Variants in CORO2B observed in about 807,000 individuals in gnomAD.
CORO2B encodes the protein coronin 2B.
A neutral mutation model predicts 58.8 loss-of-function variants in CORO2B; 26 were observed. That is an observed-to-expected ratio of 0.44 (90% CI 0.32 to 0.61). The LOEUF is 0.61. Ranked by LOEUF, CORO2B falls within the 20% of genes least tolerant of loss-of-function variation. The pLI is 0.04. For synonymous variants in CORO2B, 242 were observed against 253.8 expected (o/e 0.95, Z 0.44); for missense variants, 460 against 645.1 (o/e 0.71, Z 3.11).
chr15:68,697,030 C>A (rs1270339734), intron 3 of CORO2B, among the ~76,000 whole-genome samples: 7 of 152,230 alleles, frequency 4.6e-5, no homozygotes, highest in Admixed American at 4.6e-4. Context: ...TTTGGTTCTG[C>A]ACCCCATGCA....
intron 2 of CORO2B, among the ~76,000 whole-genome samples, chr15:68,650,959 G>A (rs1901622223): frequency 6.6e-6 from 1 of 152,098 alleles, no homozygotes; most frequent in South Asian, 2.1e-4. Context: ...TTGAACATCA[G>A]CCCTCCCTTA....
intron 2 of CORO2B, among the ~76,000 whole-genome samples, chr15:68,670,499 A>T (rs1282826431): frequency 6.6e-6 from 1 of 152,222 alleles, no homozygotes; most frequent in Non-Finnish European, 1.5e-5. Context: ...ATTTAGAATC[A>T]TTAGTTTCCG....
the CORO2B span, among the ~76,000 whole-genome samples, chr15:68,527,333 T>A: frequency 4.5e-3 from 682 of 152,330 alleles, 6 homozygotes; most frequent in African/African-American, 0.015. Flanking sequence ...CAGTTTTATC[T>A]TCCACCTTTA....
intron 4 of CORO2B, 141 bp from the exon 5 acceptor site, chr15:68,711,401 C>T: frequency 1.6e-6 from 1 of 638,990 alleles, no homozygotes; most frequent in Non-Finnish European, 2.7e-6. Flanking sequence ...ATATAGAACT[C>T]AATGACCCCC....
chr15:68,605,533 G>A lies in CORO2B; in HGVS notation c.15+26256G>A, dbSNP rs1045578360. On this transcript the variant is annotated intron_variant, in intron 1 of 11. Coordinates refer to ENST00000261861, the MANE Select transcript of CORO2B (RefSeq NM_006091.5). Reference sequence around the variant, plus strand: ...AAAAATTATAATACCAAAATGATATGGCAGTGTGGGAAAATATTCGTGCTA... The same window carrying A: ...AAAAATTATAATACCAAAATGATATAGCAGTGTGGGAAAATATTCGTGCTA... Among the ~76,000 whole-genome samples the A allele has an allele frequency of 2.6e-5, 4 of 152,156 alleles. No individual in the cohort carries two copies. The East Asian group carries it at 7.7e-4, about 29-fold the overall frequency.
chr15:68,638,370 T>C (rs1431805960), intron 1 of CORO2B, among the ~76,000 whole-genome samples: 6 of 152,260 alleles, frequency 3.9e-5, no homozygotes, highest in African/African-American at 1.4e-4. Flanking sequence ...AAGCAATTTG[T>C]GTTTGGTCAC....
chr15:68,664,738 G>A (rs939282299), intron 2 of CORO2B, among the ~76,000 whole-genome samples: 1 of 152,156 alleles, frequency 6.6e-6, no homozygotes, highest in Non-Finnish European at 1.5e-5. Flanking sequence ...AACTTTGTCA[G>A]AGTAGTTTCA....
chr15:68,575,737 A>G (rs937547901), upstream of CORO2B, among the ~76,000 whole-genome samples: 1 of 151,936 alleles, frequency 6.6e-6, no homozygotes, highest in Admixed American at 6.6e-5. Context: ...TCACCTTCCA[A>G]TTAAATCACC....
chr15:68,630,807 G>A (rs1258112015), intron 1 of CORO2B, among the ~76,000 whole-genome samples: 1 of 152,152 alleles, frequency 6.6e-6, no homozygotes, highest in African/African-American at 2.4e-5. Context: ...CCTTTTGGTT[G>A]TAGGCTTGTT....
At chr15:68,578,431 A>G (rs1156616496), upstream of CORO2B, among the ~76,000 whole-genome samples, 2 of 152,210 alleles carry the variant, frequency 1.3e-5, no homozygotes, top group African/African-American at 4.8e-5. This position sits in a 1 kb window ranked among gnomAD's most constrained non-coding sequence, Gnocchi z 4.2. Context: ...CCTTCGGGCA[A>G]GTCATCGCGG....
At position 68,719,495 on chromosome 15, in the gene CORO2B, T is replaced by TTCC. The variant is rs761539693; in HGVS notation, c.1254_1255insTCC (p.Ser418dup). The TTCC allele has an allele frequency of 2.8e-5, 45 of 1,613,964 alleles. No individual in the cohort carries two copies. The highest frequency in any genetic ancestry group is 3.3e-5 in the Non-Finnish European group (39 of 1,180,010). ...AGGCTCCCATCAAAGAAAAGAAGAG[T>TTCC]GTTGTGGTCAACGGAATAGATTTAT... On this transcript the variant is annotated inframe_insertion, in exon 11 of 12. Coordinates refer to ENST00000261861, the MANE Select transcript of CORO2B (RefSeq NM_006091.5).
At chr15:68,600,463 G>A (rs1328244509) in intron 1 of CORO2B, among the ~76,000 whole-genome samples, 2 of 152,084 alleles carry the variant, frequency 1.3e-5, no homozygotes, top group Admixed American at 6.5e-5. Flanking sequence ...GATAACCACC[G>A]CTGCCCTCCT....
the CORO2B span, among the ~76,000 whole-genome samples, chr15:68,541,761 C>T: frequency 2.6e-5 from 4 of 152,196 alleles, no homozygotes; most frequent in South Asian, 4.1e-4. Context: ...GTGATTCTTT[C>T]GCTGGCTCAT....
chr15:68,704,678 G>C (rs1270072426), intron 3 of CORO2B, among the ~76,000 whole-genome samples: 1 of 152,150 alleles, frequency 6.6e-6, no homozygotes, highest in Non-Finnish European at 1.5e-5. Flanking sequence ...AGCTACTTGA[G>C]ACTAAGAGCC....
chr15:68,617,843 G>A (rs901511956), intron 1 of CORO2B, among the ~76,000 whole-genome samples: 1 of 152,164 alleles, frequency 6.6e-6, no homozygotes, highest in Non-Finnish European at 1.5e-5. Flanking sequence ...GTGCCTGAAT[G>A]GGGCCCTTAG....
intron 3 of CORO2B, among the ~76,000 whole-genome samples, chr15:68,704,732 G>T (rs1299617873): frequency 6.6e-6 from 1 of 152,160 alleles, no homozygotes; most frequent in Admixed American, 6.6e-5. Flanking sequence ...GGGGAGCTGG[G>T]TATGTTCTGT....
chr15:68,560,636 C>T, the CORO2B span, among the ~76,000 whole-genome samples: 1 of 152,164 alleles, frequency 6.6e-6, no homozygotes, highest in Non-Finnish European at 1.5e-5. Context: ...CAGCAGCCGG[C>T]AGTGTGCAGC....
At chr15:68,607,733 G>A (rs1900160363) in intron 1 of CORO2B, among the ~76,000 whole-genome samples, 1 of 151,458 alleles carries the variant, frequency 6.6e-6, no homozygotes, top group African/African-American at 2.4e-5. Context: ...TGAGAGGATT[G>A]CTTGAGCCCA....
chr15:68,624,505 G>A (rs980938156), intron 1 of CORO2B, among the ~76,000 whole-genome samples: 2 of 152,114 alleles, frequency 1.3e-5, no homozygotes, highest in African/African-American at 4.8e-5. Flanking sequence ...CCTCCAGCCT[G>A]GAACTGATAT....
Sources: gnomAD v4.1 joint callset for allele counts (sites outside exome capture counted in the v4.1 genomes callset) on GRCh38, gnomAD v4.1.1 for gene constraint, Gnocchi (gnomAD v3.1) non-coding constraint, MANE v1.5 for transcripts, NCBI Gene and HGNC (gene_info 2026-07-23, HGNC 2026-07-21) for gene names.